NFAT5: variants seen among roughly 807,000 people sequenced by gnomAD.
NFAT5 encodes nuclear factor of activated T cells 5, also known as nuclear factor of activated T-cells 5.
In NFAT5, 31 loss-of-function variants were observed where a neutral mutation model predicts 166.5. That is an observed-to-expected ratio of 0.19 (90% CI 0.14 to 0.25). The LOEUF is 0.25. Ranked by LOEUF, NFAT5 falls within the 10% of genes least tolerant of loss-of-function variation. The pLI, the probability that NFAT5 is intolerant of heterozygous loss-of-function variation, is 1.00. For synonymous variants in NFAT5, 612 were observed against 639.7 expected (o/e 0.96, Z 0.65); for missense variants, 1,449 against 1,821.8 (o/e 0.80, Z 3.72).
At chr16:69,694,354 A>G (rs1210803982) in intron 13 of NFAT5, 115 bp downstream of exon 13, 6 of 781,754 alleles carry the variant, frequency 7.7e-6, no homozygotes, top group South Asian at 1.9e-5. Flanking sequence ...TCCCAGGTTC[A>G]GGTGATTCTC....
At chr16:69,602,584 CT>C (rs1396442587) in intron 2 of NFAT5, among the ~76,000 whole-genome samples, 293 of 134,206 alleles carry the variant, frequency 2.2e-3, no homozygotes, top group Middle Eastern at 4.2e-3. Context: ...TTCTTTCTTT[CT>C]TTTTTTTTTT....
At chr16:69,671,864 T>A (rs1032414329) in intron 9 of NFAT5, among the ~76,000 whole-genome samples, 5 of 152,218 alleles carry the variant, frequency 3.3e-5, no homozygotes, top group African/African-American at 1.2e-4. Context: ...CCCAAGCCTT[T>A]GGTGTCCAGA....
At chr16:69,628,762 G>A (rs2034578137) in intron 3 of NFAT5, among the ~76,000 whole-genome samples, 1 of 152,044 alleles carries the variant, frequency 6.6e-6, no homozygotes, top group African/African-American at 2.4e-5. Context: ...GACTTGTATG[G>A]GTTTTTAAAA....
At position 69,701,244 on chromosome 16, in the gene NFAT5, C is replaced by T. The variant is rs928593223; in HGVS notation, c.*4893C>T. 1 of 152,370 alleles carries T rather than the reference C, an allele frequency of 6.6e-6. No homozygotes were observed. The highest frequency in any genetic ancestry group is 2.4e-5 in the African/African-American group (1 of 41,414). The allele number at this position is 152,370 out of a possible 1,614,324, so 9.4% of individuals were successfully genotyped here. ...GGATTACAGGCATGAGCCACCACAT[C>T]CGGCCTAATTACTTCTTTAATCCCC... On this transcript the variant is annotated 3_prime_UTR_variant, in exon 15 of 15. Transcript: ENST00000349945.
chr16:69,582,404 T>G (rs2031759436), intron 2 of NFAT5, among the ~76,000 whole-genome samples: 1 of 152,130 alleles, frequency 6.6e-6, no homozygotes, highest in Non-Finnish European at 1.5e-5. Flanking sequence ...TTGCTCATGC[T>G]TTGGTGTCAT....
intron 2 of NFAT5, among the ~76,000 whole-genome samples, chr16:69,597,758 A>G (rs961710970): frequency 3.3e-5 from 5 of 151,616 alleles, no homozygotes; most frequent in Non-Finnish European, 7.4e-5. Flanking sequence ...CGCCTGACTA[A>G]TTTTTTGTAT....
rs1000029638 is a variant in NFAT5 at position 69,684,047 on chromosome 16, C to G, written c.1691-840C>G. On this transcript the variant is annotated intron_variant, in intron 10 of 14. Coordinates refer to ENST00000349945, the MANE Select transcript of NFAT5 (RefSeq NM_138713.4). ...CCGGGAGGTGGAGGTTGCAGTGAGT[C>G]AAGACTGCGCCATTGCACTCCAGCC... Among the ~76,000 whole-genome samples the G allele has an allele frequency of 1.3e-4, 19 of 151,740 alleles. 1 individual carries two copies. Among genetic ancestry groups the G allele is most frequent in the African/African-American group, 4.6e-4 (19 of 41,272 alleles).
chr16:69,681,040 A>G (rs1465320069), intron 10 of NFAT5, among the ~76,000 whole-genome samples: 2 of 152,124 alleles, frequency 1.3e-5, no homozygotes, highest in East Asian at 1.9e-4. Context: ...GATTACAGGC[A>G]TGAGCCACAG....
intron 2 of NFAT5, among the ~76,000 whole-genome samples, chr16:69,589,421 T>TA (rs2151523013): frequency 6.6e-6 from 1 of 152,224 alleles, no homozygotes; most frequent in East Asian, 1.9e-4. Flanking sequence ...ATGAGAAAAA[T>TA]ACCGTTTTAG....
intron 10 of NFAT5, among the ~76,000 whole-genome samples, chr16:69,682,073 C>T (rs1369921976): frequency 6.6e-6 from 1 of 152,110 alleles, no homozygotes; most frequent in Non-Finnish European, 1.5e-5. Flanking sequence ...TGGGGCCATA[C>T]TGCCCCAAAT....
intron 2 of NFAT5, among the ~76,000 whole-genome samples, chr16:69,597,297 T>C (rs928999390): frequency 6.6e-6 from 1 of 152,188 alleles, no homozygotes; most frequent in Non-Finnish European, 1.5e-5. Flanking sequence ...AAAAGAGTAC[T>C]GCAGGTATCA....
In NFAT5 at chr16:69,566,049, C is replaced by CT. The variant is rs936778198; in HGVS notation, c.-253_-252insT. The CT allele has an allele frequency of 1.4e-5, 7 of 516,886 alleles. No individual in the cohort carries two copies. In the Admixed American group the frequency reaches 2.4e-4, roughly 18 times the overall value. 32.0% of individuals were successfully genotyped at this position (516,886 alleles called of 1,614,324 possible). On this transcript the variant is annotated 5_prime_UTR_variant, in exon 1 of 15. Coordinates refer to ENST00000349945, the MANE Select transcript of NFAT5 (RefSeq NM_138713.4). This position sits in a 1 kb window ranked among gnomAD's most constrained non-coding sequence, Gnocchi z 5.7. ...CACGAAACGGACCCTTTGGCTCTCCCCCTTCCCCTTCCCCGTCCTGAACCC... is the reference window on the plus strand; with the variant it reads ...CACGAAACGGACCCTTTGGCTCTCCCTCCTTCCCCTTCCCCGTCCTGAACCC...
intron 2 of NFAT5, among the ~76,000 whole-genome samples, chr16:69,613,284 A>G (rs187488857): frequency 1.6e-4 from 25 of 152,030 alleles, no homozygotes; most frequent in Non-Finnish European, 2.1e-4. Flanking sequence ...TATTGTAAAA[A>G]CCTTCTTACT....
intron 2 of NFAT5, among the ~76,000 whole-genome samples, chr16:69,625,194 G>C (rs2151578691): frequency 6.6e-6 from 1 of 152,100 alleles, no homozygotes; most frequent in East Asian, 1.9e-4. Flanking sequence ...TGACCATTGT[G>C]CCTAGCTCTA....
intron 2 of NFAT5, among the ~76,000 whole-genome samples, chr16:69,625,838 T>A (rs970040007): frequency 6.6e-6 from 1 of 152,002 alleles, no homozygotes; most frequent in Non-Finnish European, 1.5e-5. Flanking sequence ...TCAATGTTAA[T>A]AACTTTTTCT....
chr16:69,684,334 G>A (rs1238638230), intron 10 of NFAT5, among the ~76,000 whole-genome samples: 1 of 150,252 alleles, frequency 6.7e-6, no homozygotes, highest in Non-Finnish European at 1.5e-5. Flanking sequence ...GCCGAGGCGG[G>A]TGAATCACGA....
chr16:69,584,550 G>GA (rs1365542033), intron 2 of NFAT5, among the ~76,000 whole-genome samples: 4 of 152,036 alleles, frequency 2.6e-5, no homozygotes, highest in East Asian at 1.9e-4. Context: ...GGCTGGTCTC[G>GA]AATTCCTGAC....
rs545529311 is a variant in NFAT5 at position 69,665,267 on chromosome 16, G to A, written c.1370-4710G>A. ...CCTTTGAAAACTGGCACAAGACAGG[G>A]ATGCCCTCTCTCACCACTCCTATTC... On this transcript the variant is annotated intron_variant, in intron 7 of 14. Transcript: ENST00000349945. Among the ~76,000 whole-genome samples the A allele has an allele frequency of 8.6e-3, 1,295 of 150,436 alleles. 19 individuals are homozygous for A. Among genetic ancestry groups the A allele is most frequent in the African/African-American group, 0.03 (1,241 of 40,826 alleles).
At chr16:69,591,699 A>G (rs1198138251) in intron 2 of NFAT5, among the ~76,000 whole-genome samples, 2 of 152,188 alleles carry the variant, frequency 1.3e-5, no homozygotes, top group African/African-American at 4.8e-5. Context: ...TGTTCAAGAT[A>G]TTTTTAACAA....
Sources: gnomAD v4.1 joint callset for allele counts (sites outside exome capture counted in the v4.1 genomes callset) on GRCh38, gnomAD v4.1.1 for gene constraint, Gnocchi (gnomAD v3.1) non-coding constraint, MANE v1.5 for transcripts, NCBI Gene and HGNC (gene_info 2026-07-23, HGNC 2026-07-21) for gene names.